The following CTNNA2 variants were observed in gnomAD, a reference collection of about 807,000 sequenced individuals.
CTNNA2 encodes catenin alpha 2.
Under a neutral mutation model 101.0 loss-of-function variants are expected in CTNNA2, and 42 were observed. That is an observed-to-expected ratio of 0.42 (90% confidence interval 0.32 to 0.54). CTNNA2 has a LOEUF of 0.54. CTNNA2 is among the 20% of genes least tolerant of loss of function. The pLI, the probability that CTNNA2 is intolerant of heterozygous loss-of-function variation, is 0.14. For missense variants in CTNNA2, 871 were observed against 1,223.1 expected, an observed-to-expected ratio of 0.71 and a Z score of 4.29; for synonymous variants, 450 against 456.4, an observed-to-expected ratio of 0.99 and a Z score of 0.18.
intron 4 of CTNNA2, among the ~76,000 whole-genome samples, chr2:79,468,132 C>G (rs576798222): frequency 1.8e-4 from 28 of 152,110 alleles, no homozygotes; most frequent in Middle Eastern, 6.8e-3. Context: ...TTCAGGAGAC[C>G]CATCTTACAT....
At chr2:80,605,783 C>G (rs1048425526) in intron 16 of CTNNA2, 2 of 151,874 alleles carry the variant, frequency 1.3e-5, no homozygotes, top group Non-Finnish European at 2.9e-5. Flanking sequence ...GATGGCTAAT[C>G]CAAGAAATTT....
chr2:80,084,122 CTCTT>C (rs1243581691), intron 7 of CTNNA2, among the ~76,000 whole-genome samples: 1 of 152,162 alleles, frequency 6.6e-6, no homozygotes, highest in African/African-American at 2.4e-5. Context: ...AGTTAAAAGT[CTCTT>C]TCTTTGCCCT....
intron 2 of CTNNA2, among the ~76,000 whole-genome samples, chr2:79,743,588 C>A: frequency 6.7e-6 from 1 of 150,304 alleles, no homozygotes; most frequent in Admixed American, 6.7e-5. Flanking sequence ...GGCTAGAGTA[C>A]AATGGCACGA....
intron 7 of CTNNA2, among the ~76,000 whole-genome samples, chr2:80,196,156 G>C (rs1041951935): frequency 2.0e-5 from 3 of 152,036 alleles, no homozygotes; most frequent in East Asian, 3.9e-4. Context: ...CTTACTGGGA[G>C]ACTGTAAAAA....
At chr2:80,256,932 T>G (rs1412191558) in intron 7 of CTNNA2, among the ~76,000 whole-genome samples, 2 of 152,162 alleles carry the variant, frequency 1.3e-5, no homozygotes, top group Non-Finnish European at 2.9e-5. Flanking sequence ...AACACTCACT[T>G]GATTCAAGAG....
chr2:79,790,848 C>T (rs1297822580), intron 3 of CTNNA2, among the ~76,000 whole-genome samples: 1 of 152,162 alleles, frequency 6.6e-6, no homozygotes, highest in Non-Finnish European at 1.5e-5. Context: ...CCACTTTTGA[C>T]AAGCCATAAA....
At chr2:80,621,448 G>A (rs973847487) in intron 18 of CTNNA2, among the ~76,000 whole-genome samples, 16 of 151,936 alleles carry the variant, frequency 1.1e-4, no homozygotes, top group African/African-American at 3.4e-4. Flanking sequence ...AATAGACAAC[G>A]TCATTTGATT....
intron 7 of CTNNA2, among the ~76,000 whole-genome samples, chr2:80,079,414 C>G (rs1698968760): frequency 6.6e-6 from 1 of 152,162 alleles, no homozygotes; most frequent in Admixed American, 6.5e-5. Flanking sequence ...TCATAAATAC[C>G]ATGGGAGCTC....
chr2:80,021,891 C>CA (rs1694589450), intron 7 of CTNNA2, among the ~76,000 whole-genome samples: 1 of 139,954 alleles, frequency 7.1e-6, no homozygotes, highest in African/African-American at 3.1e-5. Flanking sequence ...CATATATCCA[C>CA]AAAAATTATT....
intron 7 of CTNNA2, among the ~76,000 whole-genome samples, chr2:80,087,848 C>T (rs1486267376): frequency 6.6e-6 from 1 of 151,948 alleles, no homozygotes; most frequent in Non-Finnish European, 1.5e-5. Flanking sequence ...GTAAGGCAGA[C>T]TTGGTTTATT....
intron 7 of CTNNA2, among the ~76,000 whole-genome samples, chr2:80,228,346 A>C (rs1004238865): frequency 3.3e-5 from 5 of 152,100 alleles, no homozygotes; most frequent in Non-Finnish European, 5.9e-5. Context: ...CTGTGTTTTC[A>C]TATGGTGGAA....
In CTNNA2 at chr2:80,527,940, G is replaced by A. The variant is rs189021612; in HGVS notation, c.1291-17042G>A. On this transcript the variant is annotated intron_variant, in intron 9 of 18. Transcript: ENST00000402739. ...AGTACATCAGAATTTATGAGTGTGG[G>A]TCCCAGGCATCAATATCTTTAATAT... is the stretch of plus-strand genomic sequence containing the variant. 2.9e-3 allele frequency among the ~76,000 whole-genome samples: 443 copies of A among 152,296 alleles called. 1 individual carries two copies. Among genetic ancestry groups the A allele is most frequent in the African/African-American group, 1.0e-2 (414 of 41,574 alleles).
intron 7 of CTNNA2, among the ~76,000 whole-genome samples, chr2:79,962,561 T>C (rs1164667416): frequency 6.6e-6 from 1 of 152,198 alleles, no homozygotes; most frequent in African/African-American, 2.4e-5. Flanking sequence ...TTGTTTTTCA[T>C]TTTGCTTTAG....
At chr2:80,034,782 C>T (rs1695543174) in intron 7 of CTNNA2, among the ~76,000 whole-genome samples, 1 of 151,936 alleles carries the variant, frequency 6.6e-6, no homozygotes, top group African/African-American at 2.4e-5. Context: ...TTGGTGAGAG[C>T]GTGAGGAAAT....
intron 7 of CTNNA2, among the ~76,000 whole-genome samples, chr2:79,950,701 G>T (rs749166712): frequency 1.8e-4 from 27 of 152,188 alleles, no homozygotes; most frequent in Non-Finnish European, 2.6e-4. Flanking sequence ...ATTTATGCAG[G>T]AATGTAAAAT....
rs1156501082 is a variant in CTNNA2 at position 80,282,239 on chromosome 2, C to A, written c.1057-110972C>A. The stretch of plus-strand genomic sequence containing the variant: ...AGTTATATTTTCATTCACTTCAAAC[C>A]ATTTCCCTGTTATTTAAATGTTATT... On this transcript the variant is annotated intron_variant, in intron 7 of 18. Transcript: ENST00000402739. Among the ~76,000 whole-genome samples, 11 of 152,040 alleles carry A rather than the reference C, an allele frequency of 7.2e-5. No individual in the cohort carries two copies. The East Asian group carries it at 2.1e-3, about 29-fold the overall frequency.
intron 9 of CTNNA2, among the ~76,000 whole-genome samples, chr2:80,512,847 T>C (rs1171624795): frequency 6.6e-6 from 1 of 152,122 alleles, no homozygotes; most frequent in East Asian, 1.9e-4. Flanking sequence ...ATACTGCATA[T>C]CTATTTATGC....
chr2:80,295,960 C>G (rs1269722986), intron 7 of CTNNA2, among the ~76,000 whole-genome samples: 1 of 152,194 alleles, frequency 6.6e-6, no homozygotes, highest in Non-Finnish European at 1.5e-5. Context: ...TATCTCTAGA[C>G]TATCCTGTTT....
chr2:80,626,242 T>G (rs1272480373), intron 18 of CTNNA2, among the ~76,000 whole-genome samples: 1 of 152,106 alleles, frequency 6.6e-6, no homozygotes, highest in Non-Finnish European at 1.5e-5. Flanking sequence ...AATACATCTG[T>G]CTGTAGTTCA....
Sources: gnomAD v4.1 joint callset for allele counts (sites outside exome capture counted in the v4.1 genomes callset) on GRCh38, gnomAD v4.1.1 for gene constraint, MANE v1.5 for transcripts, NCBI Gene and HGNC (gene_info 2026-07-23, HGNC 2026-07-21) for gene names.